The following METTL15 variants were observed in gnomAD, a reference collection of about 807,000 sequenced individuals.
The protein encoded by METTL15 is methyltransferase 15, mitochondrial 12S rRNA N4-cytidine.
METTL15 carries 34 observed loss-of-function variants against 38.3 expected under a neutral mutation model. The ratio of observed to expected loss-of-function variants is 0.89; its 90% CI spans 0.68 to 1.18. The LOEUF is 1.18. METTL15 is among the 50% of genes most tolerant of loss of function. The pLI is 0.00. For synonymous variants in METTL15, 162 were observed against 170.9 expected (o/e 0.95, Z 0.41); for missense variants, 438 against 498.4 (o/e 0.88, Z 1.15).
chr11:28,426,015 C>G (rs1016757708), intron 6 of METTL15, among the ~76,000 whole-genome samples: 2 of 152,036 alleles, frequency 1.3e-5, no homozygotes, highest in African/African-American at 4.8e-5. Context: ...TAATGTGTGC[C>G]ATGGTGGTTT....
At chr11:28,195,689 G>T (rs936041791) in intron 3 of METTL15, among the ~76,000 whole-genome samples, 1 of 151,804 alleles carries the variant, frequency 6.6e-6, no homozygotes, top group African/African-American at 2.4e-5. Flanking sequence ...TTTTTCTTTT[G>T]CTGTGCAGAA....
At chr11:28,210,026 G>C (rs1395103794) in intron 3 of METTL15, among the ~76,000 whole-genome samples, 1 of 151,986 alleles carries the variant, frequency 6.6e-6, no homozygotes, top group African/African-American at 2.4e-5. Flanking sequence ...AATATGTGGA[G>C]AATGTCTTGA....
chr11:28,382,440 T>C (rs1850397826), intron 5 of METTL15, among the ~76,000 whole-genome samples: 1 of 152,174 alleles, frequency 6.6e-6, no homozygotes, highest in African/African-American at 2.4e-5. Flanking sequence ...AAGATGGTTG[T>C]CTTCCATGTT....
chr11:28,245,791 C>T (rs1182592965), intron 4 of METTL15, among the ~76,000 whole-genome samples: 4 of 152,084 alleles, frequency 2.6e-5, no homozygotes, highest in Non-Finnish European at 5.9e-5. Flanking sequence ...AGCGTGTCTT[C>T]ACGTGGCTGG....
intron 5 of METTL15, among the ~76,000 whole-genome samples, chr11:28,371,013 C>T (rs898107023): frequency 6.6e-6 from 1 of 151,968 alleles, no homozygotes; most frequent in African/African-American, 2.4e-5. Context: ...TGTCTCTTCA[C>T]TTTATTGATT....
intron 3 of METTL15, among the ~76,000 whole-genome samples, chr11:28,339,368 A>C (rs938280866): frequency 2.0e-5 from 3 of 152,048 alleles, no homozygotes; most frequent in African/African-American, 7.2e-5. Context: ...AAAAAGCTGA[A>C]AACTATAAAA....
intron 3 of METTL15, among the ~76,000 whole-genome samples, chr11:28,168,193 A>G (rs1279722582): frequency 1.3e-5 from 2 of 151,886 alleles, no homozygotes; most frequent in Non-Finnish European, 2.9e-5. Flanking sequence ...ATATTCAGGC[A>G]TGGATGTTTT....
chr11:28,481,036 A>G (rs1851391040), intron 6 of METTL15, among the ~76,000 whole-genome samples: 1 of 152,184 alleles, frequency 6.6e-6, no homozygotes, highest in Non-Finnish European at 1.5e-5. Flanking sequence ...ATTATTTTCT[A>G]ATATTAGAAA....
At chr11:28,292,624 G>A (rs144842073) in intron 5 of METTL15, among the ~76,000 whole-genome samples, 4,353 of 152,176 alleles carry the variant, frequency 0.029, 109 homozygotes, top group Middle Eastern at 0.045. Context: ...GATGCCTGAG[G>A]AATCGCCACA....
Position 28,453,975 on chromosome 11 carries a change from T to C in METTL15, c.*424+29611T>C, listed in dbSNP as rs139988875. On this transcript the variant is annotated intron_variant and NMD_transcript_variant, in intron 6 of 7. Transcript: ENST00000532947. The stretch of plus-strand genomic sequence containing the variant: ...ACATAATTTTAATCATACTGTATTA[T>C]TGAGAATACCTAGACTTTTCTTCGT... 1.2e-4 allele frequency among the ~76,000 whole-genome samples: 18 copies of C among 152,350 alleles called. No homozygotes were observed. In the East Asian group the frequency reaches 3.1e-3, roughly 26 times the overall value.
At chr11:28,240,592 A>G (rs1854251293) in intron 4 of METTL15, among the ~76,000 whole-genome samples, 3 of 152,212 alleles carry the variant, frequency 2.0e-5, no homozygotes, top group South Asian at 4.1e-4. Context: ...AGCTTGTTCT[A>G]CTAGGATTAA....
At chr11:28,353,716 G>C (rs1466547334) in intron 4 of METTL15, among the ~76,000 whole-genome samples, 2 of 151,888 alleles carry the variant, frequency 1.3e-5, no homozygotes, top group Non-Finnish European at 2.9e-5. Context: ...ATGAGGTCAG[G>C]AGATCGAGAC....
intron 5 of METTL15, among the ~76,000 whole-genome samples, chr11:28,378,145 A>G (rs1850339849): frequency 6.6e-6 from 1 of 152,124 alleles, no homozygotes. Flanking sequence ...TGGAGCCTAC[A>G]GAGGCAGGCA....
At chr11:28,301,101 A>G (rs1033024589) in intron 6 of METTL15, among the ~76,000 whole-genome samples, 3 of 152,124 alleles carry the variant, frequency 2.0e-5, no homozygotes, top group African/African-American at 4.8e-5. Flanking sequence ...ATGGTTTGCA[A>G]CTTCCTCCAT....
At chr11:28,204,065 T>G (rs1026518302) in intron 3 of METTL15, among the ~76,000 whole-genome samples, 6 of 152,044 alleles carry the variant, frequency 3.9e-5, no homozygotes, top group Non-Finnish European at 5.9e-5. Context: ...AATTGCTACC[T>G]TTAACATAGT....
chr11:28,494,793 A>T (rs1422356268), intron 6 of METTL15, among the ~76,000 whole-genome samples: 1 of 152,152 alleles, frequency 6.6e-6, no homozygotes, highest in Non-Finnish European at 1.5e-5. Flanking sequence ...GTAAGATGTG[A>T]CTTTGCTCCT....
chr11:28,396,703 C>G (rs557403725), intron 5 of METTL15, among the ~76,000 whole-genome samples: 7 of 152,278 alleles, frequency 4.6e-5, no homozygotes, highest in African/African-American at 1.7e-4. Flanking sequence ...CCCCATCAAG[C>G]TACCAATGAC....
intron 3 of METTL15, among the ~76,000 whole-genome samples, chr11:28,127,127 AGAT>A (rs1280392265): frequency 6.6e-6 from 1 of 152,010 alleles, no homozygotes; most frequent in Non-Finnish European, 1.5e-5. Flanking sequence ...TGGAGGTGAG[AGAT>A]GATTAAGTCT....
chr11:28,529,238 G>C (rs962523918), downstream of METTL15, among the ~76,000 whole-genome samples: 6 of 152,128 alleles, frequency 3.9e-5, no homozygotes, highest in Non-Finnish European at 7.4e-5. Context: ...GGCTGAGGCT[G>C]TCAACACACT....
Sources: allele counts gnomAD v4.1 joint callset (sites outside exome capture counted in the v4.1 genomes callset), GRCh38; gene constraint gnomAD v4.1.1; transcripts MANE v1.5; gene names NCBI Gene and HGNC (gene_info 2026-07-23, HGNC 2026-07-21).